The following CREB5 variants were observed in gnomAD, a reference collection of about 807,000 sequenced individuals.
CREB5 encodes the protein cAMP responsive element binding protein 5.
A neutral mutation model predicts 57.1 loss-of-function variants in CREB5; 19 were observed. The ratio of observed to expected loss-of-function variants is 0.33; its 90% CI spans 0.23 to 0.49. The LOEUF (loss-of-function observed/expected upper bound fraction) is 0.49, where lower values mean the gene tolerates loss of function less well. Among genes scored for constraint, CREB5 ranks in the 20% least tolerant of loss-of-function variants. CREB5 has a pLI of 0.99. For missense variants in CREB5, 579 were observed against 671.6 expected, an observed-to-expected ratio of 0.86 and a Z score of 1.52; for synonymous variants, 238 against 238.3, an observed-to-expected ratio of 1.00 and a Z score of 0.01.
Position 28,819,113 on chromosome 7 carries a change from T to C in CREB5, c.1364-3T>C. 2.8e-5 allele frequency: 45 copies of C among 1,611,836 alleles called. No individual in the cohort carries two copies. Among genetic ancestry groups the C allele is most frequent in the Non-Finnish European group, 3.8e-5 (45 of 1,178,966 alleles). On this transcript the variant is annotated splice_region_variant and splice_polypyrimidine_tract_variant and intron_variant, in intron 10 of 10. Coordinates refer to ENST00000357727, the MANE Select transcript of CREB5 (RefSeq NM_182898.4). ...TGTGTGTTGTCTTTTTTTTTCTCCC[T>C]AGGTCCAGAGAGTAGCCCTCCTGCT...
At chr7:28,419,903 C>T (rs1020208390) in intron 1 of CREB5, among the ~76,000 whole-genome samples, 6 of 152,168 alleles carry the variant, frequency 3.9e-5, no homozygotes, top group African/African-American at 1.2e-4. Context: ...CTAACAACCA[C>T]CATTCTCAGG....
intron 5 of CREB5, among the ~76,000 whole-genome samples, chr7:28,580,979 G>A (rs1583660646): frequency 6.6e-6 from 1 of 152,226 alleles, no homozygotes; most frequent in East Asian, 1.9e-4. Context: ...CTGAATTCTT[G>A]GCTTTTCTCA....
intron 7 of CREB5, among the ~76,000 whole-genome samples, chr7:28,759,092 A>G (rs927457460): frequency 2.6e-5 from 4 of 152,216 alleles, no homozygotes; most frequent in African/African-American, 7.2e-5. Context: ...CAATGGATAC[A>G]TGTGTTTGTG....
At chr7:28,752,122 G>A (rs1206142150) in intron 7 of CREB5, among the ~76,000 whole-genome samples, 2 of 152,132 alleles carry the variant, frequency 1.3e-5, no homozygotes, top group East Asian at 3.8e-4. Flanking sequence ...TTTAAGGTGG[G>A]ATGTTCCAGT....
intron 5 of CREB5, among the ~76,000 whole-genome samples, chr7:28,694,026 T>C (rs983077564): frequency 6.6e-6 from 1 of 152,226 alleles, no homozygotes; most frequent in Non-Finnish European, 1.5e-5. Context: ...CTCACTTTAA[T>C]GTACTGTAGT....
At position 28,531,684 on chromosome 7, in the gene CREB5, A is replaced by C. The variant is rs147221557; in HGVS notation, c.291+23947A>C. ...CATAGACTCATTAAACTTTTACTTT[A>C]CATAGGAATTCTGAAACCAGGCCAA... On this transcript the variant is annotated intron_variant, in intron 4 of 10. Transcript: ENST00000357727. 4.5e-3 allele frequency among the ~76,000 whole-genome samples: 691 copies of C among 152,278 alleles called. 5 individuals are homozygous for C. The highest frequency in any genetic ancestry group is 0.016 in the African/African-American group (664 of 41,548).
chr7:28,766,488 C>T (rs1395065816), intron 7 of CREB5, among the ~76,000 whole-genome samples: 1 of 152,132 alleles, frequency 6.6e-6, no homozygotes, highest in Non-Finnish European at 1.5e-5. Context: ...GCTTCGTTTC[C>T]CAGAATTTTA....
intron 1 of CREB5, among the ~76,000 whole-genome samples, chr7:28,369,733 G>C (rs1261674232): frequency 6.6e-6 from 1 of 152,200 alleles, no homozygotes; most frequent in Non-Finnish European, 1.5e-5. Context: ...AGACCCTGGG[G>C]AGTCCTGCAA....
chr7:28,722,886 C>A (rs1803120566), intron 6 of CREB5, among the ~76,000 whole-genome samples: 1 of 152,184 alleles, frequency 6.6e-6, no homozygotes, highest in Non-Finnish European at 1.5e-5. Context: ...TACTAACCCA[C>A]AGATTTATGT....
intron 7 of CREB5, among the ~76,000 whole-genome samples, chr7:28,728,659 T>A (rs1458672581): frequency 6.6e-6 from 1 of 152,234 alleles, no homozygotes; most frequent in African/African-American, 2.4e-5. Flanking sequence ...CTCGATTGAT[T>A]GAAAACTCCT....
At chr7:28,480,061 A>G (rs1315522370) in intron 1 of CREB5, among the ~76,000 whole-genome samples, 1 of 151,536 alleles carries the variant, frequency 6.6e-6, no homozygotes, top group Non-Finnish European at 1.5e-5. Context: ...AATCATCTGC[A>G]TGTGTGAAAA....
intron 1 of CREB5, among the ~76,000 whole-genome samples, chr7:28,414,635 C>A (rs1014008797): frequency 6.6e-6 from 1 of 152,048 alleles, no homozygotes; most frequent in Non-Finnish European, 1.5e-5. Context: ...AATACAAAGT[C>A]TGGCACTTTA....
intron 1 of CREB5, among the ~76,000 whole-genome samples, chr7:28,313,812 G>C (rs1286615891): frequency 1.3e-5 from 2 of 152,180 alleles, no homozygotes; most frequent in African/African-American, 4.8e-5. Context: ...GCCACTTGCT[G>C]AAGAAATAAA....
At chr7:28,806,216 G>A (rs1264291585) in intron 8 of CREB5, among the ~76,000 whole-genome samples, 1 of 152,128 alleles carries the variant, frequency 6.6e-6, no homozygotes, top group Non-Finnish European at 1.5e-5. Context: ...TCAGTAAGTG[G>A]CCAATAGTAT....
chr7:28,642,326 T>C (rs969431839), intron 5 of CREB5, among the ~76,000 whole-genome samples: 9 of 152,212 alleles, frequency 5.9e-5, no homozygotes, highest in South Asian at 2.1e-4. Flanking sequence ...AGTAAAGGTA[T>C]GGATAGCAAC....
In CREB5 at chr7:28,570,379, T is replaced by C. The variant is rs373416267; in HGVS notation, c.306T>C (p.His102=). Residue 102 remains histidine (H), a synonymous_variant, in exon 5 of 11, where the codon CAT becomes CAC. Transcript: ENST00000357727. ...TCTCTGGGCAGAATATCTCGATGCATAATGCAGTTGGTGGGGCCATGACGG... is the reference window on the plus strand; with the variant it reads ...TCTCTGGGCAGAATATCTCGATGCACAATGCAGTTGGTGGGGCCATGACGG... ...EESSKRNISM[H]NAVGGAMTGP... The C allele has an allele frequency of 1.2e-6, 2 of 1,613,804 alleles. No individual in the cohort carries two copies. The highest frequency in any genetic ancestry group is 8.5e-7 in the Non-Finnish European group (1 of 1,179,774).
At chr7:28,391,679 A>G (rs1787218698) in intron 1 of CREB5, among the ~76,000 whole-genome samples, 1 of 152,222 alleles carries the variant, frequency 6.6e-6, no homozygotes, top group African/African-American at 2.4e-5. Context: ...CAATCTAAGT[A>G]TTCCCATGTC....
At chr7:28,576,974 C>G (rs559165813) in intron 5 of CREB5, among the ~76,000 whole-genome samples, 20 of 152,296 alleles carry the variant, frequency 1.3e-4, no homozygotes, top group African/African-American at 4.8e-4. Flanking sequence ...GACATTTGTT[C>G]TTTTGTGCAG....
intron 1 of CREB5, among the ~76,000 whole-genome samples, chr7:28,441,471 C>A (rs1287458554): frequency 1.3e-5 from 2 of 152,126 alleles, no homozygotes; most frequent in African/African-American, 2.4e-5. Context: ...TCAGTAAAGT[C>A]GGGCTAATAT....
Sources: allele counts gnomAD v4.1 joint callset (sites outside exome capture counted in the v4.1 genomes callset), GRCh38; gene constraint gnomAD v4.1.1; transcripts MANE v1.5; gene names NCBI Gene and HGNC (gene_info 2026-07-23, HGNC 2026-07-21).